GPHN: variants seen among roughly 807,000 people sequenced by gnomAD.
GPHN encodes the protein gephyrin.
Under a neutral mutation model 95.5 loss-of-function variants are expected in GPHN, and 17 were observed. The ratio of observed to expected loss-of-function variants is 0.18; its 90% CI spans 0.12 to 0.27. GPHN has a LOEUF of 0.27. Among genes scored for constraint, GPHN ranks in the 10% least tolerant of loss-of-function variants. The probability of loss-of-function intolerance (pLI) is 1.00; values close to 1 mark genes in which losing one functional copy is unlikely to be tolerated. For missense variants in GPHN, 660 were observed against 978.1 expected (o/e 0.67, Z 4.34); for synonymous variants, 320 against 322.5 (o/e 0.99, Z 0.08).
At chr14:67,691,256 A>T in the GPHN span, 1 of 1,598,392 alleles carries the variant, frequency 6.3e-7, no homozygotes, top group Non-Finnish European at 8.6e-7. Flanking sequence ...TGCAGGGACA[A>T]GACGATGGAG....
At chr14:66,599,841 G>GTATATC (rs918457972) in intron 1 of GPHN, among the ~76,000 whole-genome samples, 20 of 151,872 alleles carry the variant, frequency 1.3e-4, no homozygotes, top group Middle Eastern at 3.4e-3. Context: ...CTATATATCT[G>GTATATC]TATATCTATA....
chr14:67,497,777 C>T, the GPHN span, among the ~76,000 whole-genome samples: 1 of 151,910 alleles, frequency 6.6e-6, no homozygotes. Flanking sequence ...TCAACCCCAG[C>T]AGCACCTCTC....
intron 1 of GPHN, among the ~76,000 whole-genome samples, chr14:66,521,015 C>T (rs1026096013): frequency 2.6e-5 from 4 of 152,106 alleles, no homozygotes; most frequent in Admixed American, 2.0e-4. Flanking sequence ...CATCCATGTT[C>T]CCACAAAAGA....
intron 2 of GPHN, among the ~76,000 whole-genome samples, chr14:66,733,707 C>T (rs2072007680): frequency 6.6e-6 from 1 of 152,048 alleles, no homozygotes; most frequent in Admixed American, 6.6e-5. Context: ...GTGGGGAAGG[C>T]ACATATCTAT....
rs74994070 is a variant in GPHN at position 66,658,768 on chromosome 14, T to C, written c.65-22339T>C. Among the ~76,000 whole-genome samples, 6,466 of 152,284 alleles carry C rather than the reference T, an allele frequency of 0.042. 851 individuals are homozygous for C. In the East Asian group the frequency reaches 0.43, roughly 10 times the overall value. ...GAAAACCAAAAAGTTGTGAGACTTATTTTGTCATAATATTCATTGTATTGT... is the reference window on the plus strand; with the variant it reads ...GAAAACCAAAAAGTTGTGAGACTTACTTTGTCATAATATTCATTGTATTGT... On this transcript the variant is annotated intron_variant, in intron 1 of 22. Transcript: ENST00000478722.
chr14:67,620,589 T>C, the GPHN span, among the ~76,000 whole-genome samples: 2 of 152,156 alleles, frequency 1.3e-5, no homozygotes, highest in Non-Finnish European at 2.9e-5. Flanking sequence ...AGCTGTTTTG[T>C]TCTCTTCAAT....
chr14:66,992,705 C>T (rs942272792), intron 9 of GPHN, among the ~76,000 whole-genome samples: 15 of 152,066 alleles, frequency 9.9e-5, no homozygotes, highest in Non-Finnish European at 4.4e-5. Context: ...AATGCGATAA[C>T]TCAGAGATCA....
chr14:66,968,240 C>G (rs971239445), intron 9 of GPHN, among the ~76,000 whole-genome samples: 14 of 151,770 alleles, frequency 9.2e-5, no homozygotes, highest in African/African-American at 3.4e-4. Context: ...ATGTTATTAA[C>G]TATACCAAGG....
At chr14:66,727,414 T>A (rs2071347462) in intron 2 of GPHN, among the ~76,000 whole-genome samples, 1 of 151,776 alleles carries the variant, frequency 6.6e-6, no homozygotes, top group Non-Finnish European at 1.5e-5. Context: ...CAGGCAGAGG[T>A]TGGAACAGTT....
At chr14:67,278,785 G>A in the GPHN span, among the ~76,000 whole-genome samples, 3 of 152,034 alleles carry the variant, frequency 2.0e-5, no homozygotes, top group Non-Finnish European at 4.4e-5. Flanking sequence ...ATTTTTCTTA[G>A]CTTTAAAATT....
chr14:66,786,371 T>C (rs1329232238), intron 3 of GPHN, among the ~76,000 whole-genome samples: 3 of 152,052 alleles, frequency 2.0e-5, no homozygotes, highest in African/African-American at 7.2e-5. Flanking sequence ...ATAAAAGCCA[T>C]TAAGTAACTT....
the GPHN span, among the ~76,000 whole-genome samples, chr14:67,694,489 C>CACAT: frequency 0.022 from 3,187 of 144,140 alleles, 45 homozygotes; most frequent in African/African-American, 0.042. Flanking sequence ...CACACACACA[C>CACAT]ATATATATAT....
intron 6 of GPHN, 118 bp from the exon 7 acceptor site, chr14:66,922,548 T>C: frequency 8.2e-6 from 6 of 734,174 alleles, no homozygotes; most frequent in Non-Finnish European, 6.9e-6. Context: ...ATATGATTGA[T>C]TCTGAGATTG....
At chr14:67,527,694 C>A in the GPHN span, among the ~76,000 whole-genome samples, 1 of 152,164 alleles carries the variant, frequency 6.6e-6, no homozygotes, top group African/African-American at 2.4e-5. Context: ...CCAGCATGAC[C>A]CTGGTGAAGT....
At chr14:67,004,833 T>G (rs1031089692) in intron 9 of GPHN, among the ~76,000 whole-genome samples, 10 of 151,782 alleles carry the variant, frequency 6.6e-5, no homozygotes, top group African/African-American at 2.4e-4. Context: ...TAAGGCTTAT[T>G]TAATTAATTT....
intron 21 of GPHN, among the ~76,000 whole-genome samples, chr14:67,178,623 G>T (rs1023886069): frequency 6.6e-6 from 1 of 152,108 alleles, no homozygotes; most frequent in African/African-American, 2.4e-5. Flanking sequence ...TATCATCAGA[G>T]TCCAGAAGAA....
the GPHN span, among the ~76,000 whole-genome samples, chr14:67,717,107 A>G: frequency 6.6e-6 from 1 of 151,652 alleles, no homozygotes; most frequent in Admixed American, 6.6e-5. Context: ...TATATATATC[A>G]TTCATTAACT....
intron 3 of GPHN, among the ~76,000 whole-genome samples, chr14:66,811,030 A>G (rs1394782009): frequency 6.6e-6 from 1 of 152,258 alleles, no homozygotes; most frequent in Admixed American, 6.5e-5. Flanking sequence ...TAAAATCATT[A>G]TAGTGAACTA....
chr14:67,443,943 C>G, the GPHN span, among the ~76,000 whole-genome samples: 2,433 of 152,206 alleles, frequency 0.016, 59 homozygotes, highest in African/African-American at 0.056. Flanking sequence ...CAGGGCAAAT[C>G]CCCCTCCCAT....
Sources: allele counts gnomAD v4.1 joint callset (sites outside exome capture counted in the v4.1 genomes callset), GRCh38; gene constraint gnomAD v4.1.1; transcripts MANE v1.5; gene names NCBI Gene and HGNC (gene_info 2026-07-23, HGNC 2026-07-21).